The following SRGAP3 variants were observed in gnomAD, a reference collection of about 807,000 sequenced individuals.
SRGAP3 encodes the protein SLIT-ROBO Rho GTPase-activating protein 3.
In SRGAP3, 39 loss-of-function variants were observed where a neutral mutation model predicts 121.1. That is an observed-to-expected ratio of 0.32 (90% CI 0.25 to 0.42). SRGAP3 has a LOEUF of 0.42. SRGAP3 is among the 10% of genes least tolerant of loss of function. The probability of loss-of-function intolerance (pLI) is 1.00; values close to 1 mark genes in which losing one functional copy is unlikely to be tolerated. For synonymous variants in SRGAP3, 601 were observed against 570.0 expected (o/e 1.05, Z -0.77); for missense variants, 1,213 against 1,470.6 (o/e 0.82, Z 2.86).
intron 3 of SRGAP3, among the ~76,000 whole-genome samples, chr3:9,264,955 G>C (rs556479977): frequency 9.2e-5 from 14 of 152,168 alleles, no homozygotes; most frequent in African/African-American, 3.4e-4. Flanking sequence ...GAGGCATCAC[G>C]CTACCTGACT....
intron 18 of SRGAP3, among the ~76,000 whole-genome samples, chr3:9,008,608 A>G (rs1270177259): frequency 1.3e-5 from 2 of 152,140 alleles, no homozygotes; most frequent in Admixed American, 1.3e-4. Flanking sequence ...AAAAAGGAGG[A>G]AAGAGAAAAG....
intron 3 of SRGAP3, among the ~76,000 whole-genome samples, chr3:9,280,975 G>T (rs529161084): frequency 1.8e-3 from 278 of 152,190 alleles, no homozygotes; most frequent in African/African-American, 6.3e-3. Flanking sequence ...ATTGTTGGGG[G>T]TGGTGGGAGT....
intron 3 of SRGAP3, among the ~76,000 whole-genome samples, chr3:9,266,624 A>ATCCGGTT (rs1443053479): frequency 6.6e-6 from 1 of 151,388 alleles, no homozygotes; most frequent in Non-Finnish European, 1.5e-5. Context: ...GCCTCCTTCC[A>ATCCGGTT]TCCGGTTTTT....
intron 14 of SRGAP3, among the ~76,000 whole-genome samples, chr3:9,022,408 C>T (rs1943971638): frequency 1.3e-5 from 2 of 152,148 alleles, no homozygotes; most frequent in South Asian, 2.1e-4. Flanking sequence ...AATTTAGTCA[C>T]GAGTTAAACC....
At chr3:9,181,641 G>A (rs1161735432) in intron 1 of SRGAP3, among the ~76,000 whole-genome samples, 3 of 152,180 alleles carry the variant, frequency 2.0e-5, no homozygotes, top group Non-Finnish European at 4.4e-5. Context: ...ACATCTCAGA[G>A]CCAGGGAGGG....
intron 2 of SRGAP3, among the ~76,000 whole-genome samples, chr3:9,326,458 C>A (rs1351668135): frequency 1.3e-5 from 2 of 151,816 alleles, no homozygotes; most frequent in Non-Finnish European, 1.5e-5. Context: ...GTCACCACAT[C>A]AATATATTCA....
rs972596825 is a variant in SRGAP3 at position 9,190,605 on chromosome 3, G to A, written c.67+58280C>T. Among the ~76,000 whole-genome samples, 9 of 152,136 alleles carry A rather than the reference G, an allele frequency of 5.9e-5. No homozygotes were observed. In the East Asian group the frequency reaches 1.7e-3, roughly 29 times the overall value. On this transcript the variant is annotated intron_variant, in intron 1 of 21. Coordinates refer to ENST00000383836, the MANE Select transcript of SRGAP3 (RefSeq NM_014850.4). ...GCTGGCATGCACTGAAGCTACCTGG[G>A]GTTACTCAACAACTGTTTTAGGGCA...
intron 3 of SRGAP3, among the ~76,000 whole-genome samples, chr3:9,099,314 C>G (rs549166112): frequency 1.3e-5 from 2 of 152,332 alleles, no homozygotes; most frequent in African/African-American, 4.8e-5. Flanking sequence ...CCTCCCAACA[C>G]CACAGCTTCC....
At chr3:9,294,550 CAAA>C (rs61403993) in intron 3 of SRGAP3, among the ~76,000 whole-genome samples, 2 of 125,270 alleles carry the variant, frequency 1.6e-5, no homozygotes, top group Non-Finnish European at 3.6e-5. Context: ...AACAAACAAA[CAAA>C]AAAAAACACC....
chr3:9,008,342 G>C (rs541731762), intron 18 of SRGAP3: 5 of 152,212 alleles, frequency 3.3e-5, no homozygotes, highest in Middle Eastern at 3.2e-3. Flanking sequence ...CCATCAGCCC[G>C]AGGAGCTGTG....
intron 5 of SRGAP3, 77 bp from the exon 6 acceptor site, chr3:9,060,436 T>TTTTC: frequency 6.7e-7 from 1 of 1,490,984 alleles, no homozygotes; most frequent in Non-Finnish European, 9.1e-7. Flanking sequence ...TCCTTTTTTT[T>TTTTC]TTTTTTTTGA....
chr3:9,332,667 GA>G (rs1955628927), intron 1 of SRGAP3, among the ~76,000 whole-genome samples: 1 of 152,172 alleles, frequency 6.6e-6, no homozygotes, highest in Admixed American at 6.5e-5. Context: ...AACGTGTGCT[GA>G]AACCAATTAA....
At chr3:8,994,164 C>G in intron 19 of SRGAP3, 179 bp downstream of exon 19, 3 of 829,940 alleles carry the variant, frequency 3.6e-6, no homozygotes, top group South Asian at 3.2e-5. Flanking sequence ...TTTGGATATC[C>G]GTTAAGTGGA....
chr3:9,272,427 G>GGTA (rs1412261436), intron 3 of SRGAP3, among the ~76,000 whole-genome samples: 4 of 152,012 alleles, frequency 2.6e-5, no homozygotes, highest in Non-Finnish European at 4.4e-5. Context: ...CCCAGCTCCT[G>GGTA]GTAGCCTCCA....
chr3:9,203,165 T>C (rs921035441), intron 1 of SRGAP3, among the ~76,000 whole-genome samples: 4 of 152,192 alleles, frequency 2.6e-5, no homozygotes, highest in African/African-American at 9.7e-5. Flanking sequence ...TTTTGTCCTC[T>C]TCAAACTGGA....
intron 2 of SRGAP3, among the ~76,000 whole-genome samples, chr3:9,124,079 G>A (rs1017124670): frequency 3.3e-5 from 5 of 152,292 alleles, no homozygotes; most frequent in Admixed American, 1.3e-4. Flanking sequence ...AGCACAGAAG[G>A]TTTTGTAGCT....
chr3:9,019,967 C>T (rs1237540478), intron 14 of SRGAP3, among the ~76,000 whole-genome samples: 1 of 152,232 alleles, frequency 6.6e-6, no homozygotes, highest in Non-Finnish European at 1.5e-5. Context: ...AAAAAAATCA[C>T]CTGTATTCAC....
At chr3:9,146,168 C>T (rs1315107617) in intron 1 of SRGAP3, among the ~76,000 whole-genome samples, 5 of 152,230 alleles carry the variant, frequency 3.3e-5, no homozygotes, top group Admixed American at 1.3e-4. Flanking sequence ...ACTTATCAAT[C>T]GAGCTCCTTC....
intron 11 of SRGAP3, chr3:9,034,721 A>G (rs1397917944): frequency 6.6e-6 from 1 of 152,198 alleles, no homozygotes; most frequent in African/African-American, 2.4e-5. Context: ...ATTTTTCAAA[A>G]ATTACTTATT....
Sources: gnomAD v4.1 joint callset for allele counts (sites outside exome capture counted in the v4.1 genomes callset) on GRCh38, gnomAD v4.1.1 for gene constraint, MANE v1.5 for transcripts, NCBI Gene and HGNC (gene_info 2026-07-23, HGNC 2026-07-21) for gene names.